The following CDC40 variants were observed in gnomAD, a reference collection of about 807,000 sequenced individuals.
The protein encoded by CDC40 is pre-mRNA-processing factor 17.
In CDC40, 27 loss-of-function variants were observed where a neutral mutation model predicts 80.6. The ratio of observed to expected loss-of-function variants is 0.33; its 90% CI spans 0.25 to 0.46. CDC40 has a LOEUF of 0.46. Ranked by LOEUF, CDC40 falls within the 20% of genes least tolerant of loss-of-function variation. The probability of loss-of-function intolerance (pLI) is 1.00; values close to 1 mark genes in which losing one functional copy is unlikely to be tolerated. For synonymous variants in CDC40, 221 were observed against 232.6 expected, an observed-to-expected ratio of 0.95 and a Z score of 0.45; for missense variants, 486 against 694.1, an observed-to-expected ratio of 0.70 and a Z score of 3.37.
chr6:110,181,141 T>C (rs1441586227), intron 1 of CDC40, among the ~76,000 whole-genome samples: 1 of 152,156 alleles, frequency 6.6e-6, no homozygotes, highest in African/African-American at 2.4e-5. Flanking sequence ...AGTGTGAAAA[T>C]TGAGTGAAAT....
intron 1 of CDC40, among the ~76,000 whole-genome samples, chr6:110,187,780 A>G (rs1016882510): frequency 3.9e-5 from 6 of 152,238 alleles, no homozygotes; most frequent in Non-Finnish European, 8.8e-5. Context: ...TTGAATCAAC[A>G]AAAAGATAAA....
intron 13 of CDC40, among the ~76,000 whole-genome samples, chr6:110,227,390 A>T (rs971324273): frequency 2.0e-5 from 3 of 152,200 alleles, no homozygotes; most frequent in Non-Finnish European, 4.4e-5. Context: ...ATAGTTGTCA[A>T]ATGCTCTATC....
chr6:110,185,489 G>T, intron 1 of CDC40, among the ~76,000 whole-genome samples: 1 of 151,826 alleles, frequency 6.6e-6, no homozygotes, highest in East Asian at 1.9e-4. Context: ...TGATCCGCCC[G>T]CCTCGGCCTC....
intron 3 of CDC40, among the ~76,000 whole-genome samples, chr6:110,203,053 G>T (rs1440653460): frequency 6.6e-6 from 1 of 152,106 alleles, no homozygotes; most frequent in African/African-American, 2.4e-5. Flanking sequence ...CTTAGATAAG[G>T]TCGATCTTAT....
At chr6:110,185,245 T>TTTTC (rs1777250909) in intron 1 of CDC40, among the ~76,000 whole-genome samples, 1 of 143,544 alleles carries the variant, frequency 7.0e-6, no homozygotes, top group African/African-American at 2.6e-5. Context: ...TTTTTTCTTT[T>TTTTC]TTTTTTTTTT....
chr6:110,189,746 C>T (rs1777320305), intron 1 of CDC40, among the ~76,000 whole-genome samples: 1 of 152,322 alleles, frequency 6.6e-6, no homozygotes, highest in Non-Finnish European at 1.5e-5. Flanking sequence ...GACTTAGTCT[C>T]TTCTTAAGGA....
intron 4 of CDC40, among the ~76,000 whole-genome samples, 170 bp from the exon 5 acceptor site, chr6:110,208,914 G>A (rs760224818): frequency 7.2e-5 from 11 of 152,130 alleles, no homozygotes; most frequent in Admixed American, 5.2e-4. Flanking sequence ...ATGAGTCAGC[G>A]TATATGGTAG....
intron 1 of CDC40, among the ~76,000 whole-genome samples, chr6:110,189,013 C>G (rs971877269): frequency 2.0e-5 from 3 of 152,212 alleles, no homozygotes; most frequent in Non-Finnish European, 4.4e-5. Flanking sequence ...CTGCTTGCAA[C>G]TAAGAACCCT....
intron 1 of CDC40, among the ~76,000 whole-genome samples, chr6:110,190,437 G>A (rs1253764931): frequency 6.6e-6 from 1 of 152,182 alleles, no homozygotes; most frequent in Non-Finnish European, 1.5e-5. Context: ...TTGTAGCTGG[G>A]ATGCAAAGAG....
intron 8 of CDC40, among the ~76,000 whole-genome samples, 190 bp from the exon 9 acceptor site, chr6:110,215,096 A>G (rs1777682230): frequency 6.6e-6 from 1 of 152,214 alleles, no homozygotes; most frequent in Non-Finnish European, 1.5e-5. Context: ...TGTGTGTTCC[A>G]AATAATATAA....
rs1434859235 is a variant in CDC40, at chr6:110,230,610, CAA to C, written c.*480_*481del. 1 of 151,992 alleles carries C rather than the reference CAA, an allele frequency of 6.6e-6. No homozygotes were observed. The highest frequency in any genetic ancestry group is 1.4e-5 in the Non-Finnish European group (1 of 69,134). The allele number at this position is 151,992 out of a possible 1,614,324, so 9.4% of individuals were successfully genotyped here. ...ACTCTCCCTATTATTTTCACTGGGT[CAA>C]GTTTTAATCTTTTGGCTTCATGAGT... is the stretch of plus-strand genomic sequence containing the variant. On this transcript the variant is annotated 3_prime_UTR_variant, in exon 15 of 15. Coordinates refer to ENST00000307731, the MANE Select transcript of CDC40 (RefSeq NM_015891.3).
Position 110,214,483 on chromosome 6 carries a change from A to C in CDC40, c.943-803A>C, listed in dbSNP as rs573516385. 2.1e-4 allele frequency among the ~76,000 whole-genome samples: 32 copies of C among 152,342 alleles called. No homozygotes were observed. The South Asian group carries it at 6.4e-3, about 31-fold the overall frequency. Reference sequence around the variant, plus strand: ...AGGAAACAGGAGTAGAGTATGCTTGAAAAGAGAATGGATCAGCATGGTGTG... The same window carrying C: ...AGGAAACAGGAGTAGAGTATGCTTGCAAAGAGAATGGATCAGCATGGTGTG... On this transcript the variant is annotated intron_variant, in intron 8 of 14. Coordinates refer to ENST00000307731, the MANE Select transcript of CDC40 (RefSeq NM_015891.3).
chr6:110,205,401 C>G (rs117679007), intron 3 of CDC40, among the ~76,000 whole-genome samples: 4,996 of 152,080 alleles, frequency 0.033, 145 homozygotes, highest in South Asian at 0.12. Flanking sequence ...AGAATTAGAT[C>G]TTGTTCTATC....
chr6:110,203,819 GTT>G (rs1290476626), intron 3 of CDC40, among the ~76,000 whole-genome samples: 1 of 152,014 alleles, frequency 6.6e-6, no homozygotes, highest in African/African-American at 2.4e-5. Flanking sequence ...ATTTTGTCCT[GTT>G]TTCTGCCTGC....
At chr6:110,227,858 G>T (rs1230715820) in intron 13 of CDC40, among the ~76,000 whole-genome samples, 1 of 152,130 alleles carries the variant, frequency 6.6e-6, no homozygotes, top group Non-Finnish European at 1.5e-5. Flanking sequence ...GTGAATTTTG[G>T]TATTGGGTAG....
intron 1 of CDC40, among the ~76,000 whole-genome samples, chr6:110,185,889 T>G (rs1026943280): frequency 6.6e-6 from 1 of 152,208 alleles, no homozygotes; most frequent in Non-Finnish European, 1.5e-5. Context: ...TTCTTTTGGA[T>G]TTTTAAAATC....
In CDC40 at chr6:110,219,816, G is replaced by A; in HGVS notation, c.1287G>A (p.Glu429=). Residue 429 remains glutamate (E), a synonymous_variant, in exon 12 of 15, where the codon GAG becomes GAA. Transcript: ENST00000307731. ...TCAACACCATTGTTTTTGTGGATGA[G>A]AATAGGAGATTTGTGAGCACATCTG... ...GAVNTIVFVD[E]NRRFVSTSDD... The A allele has an allele frequency of 6.2e-7, 1 of 1,614,038 alleles. No individual in the cohort carries two copies. Among genetic ancestry groups the A allele is most frequent in the Non-Finnish European group, 8.5e-7 (1 of 1,179,958 alleles).
chr6:110,213,241 G>T, intron 8 of CDC40, 81 bp downstream of exon 8: 1 of 919,846 alleles, frequency 1.1e-6, no homozygotes, highest in Non-Finnish European at 1.8e-6. Context: ...AAATAAATTT[G>T]GGTTTGTTAG....
chr6:110,195,971 C>T (rs545308430), intron 2 of CDC40, among the ~76,000 whole-genome samples: 3 of 152,158 alleles, frequency 2.0e-5, no homozygotes, highest in East Asian at 1.9e-4. Context: ...ATTTGGTATG[C>T]GTTTGCATTA....
Sources: gnomAD v4.1 joint callset for allele counts (sites outside exome capture counted in the v4.1 genomes callset) on GRCh38, gnomAD v4.1.1 for gene constraint, MANE v1.5 for transcripts, NCBI Gene and HGNC (gene_info 2026-07-23, HGNC 2026-07-21) for gene names.